STK39: variants seen among roughly 807,000 people sequenced by gnomAD.
STK39 encodes the protein serine/threonine kinase 39, also known as STE20/SPS1-related proline-alanine-rich protein kinase.
In STK39, 20 loss-of-function variants were observed where a neutral mutation model predicts 77.8. The observed-to-expected ratio is 0.26, with a 90% confidence interval of 0.18 to 0.37. STK39 has a LOEUF of 0.37. Among genes scored for constraint, STK39 ranks in the 10% least tolerant of loss-of-function variants. The pLI is 1.00. For missense variants in STK39, 479 were observed against 656.5 expected (o/e 0.73, Z 2.95); for synonymous variants, 246 against 234.1 (o/e 1.05, Z -0.47).
chr2:168,126,292 C>T (rs999009008), intron 10 of STK39, among the ~76,000 whole-genome samples: 4 of 152,188 alleles, frequency 2.6e-5, no homozygotes, highest in Admixed American at 2.6e-4. Context: ...AACTGGGAGG[C>T]GCCACAGTGA....
intron 16 of STK39, among the ~76,000 whole-genome samples, chr2:167,976,695 G>T (rs1683284971): frequency 6.6e-6 from 1 of 151,948 alleles, no homozygotes; most frequent in African/African-American, 2.4e-5. Flanking sequence ...GGACAACTTT[G>T]ACCCCCTATG....
chr2:168,058,555 C>T (rs1156433365), intron 14 of STK39, among the ~76,000 whole-genome samples: 1 of 152,234 alleles, frequency 6.6e-6, no homozygotes, highest in Non-Finnish European at 1.5e-5. Flanking sequence ...CTACCTGATA[C>T]ATCCTCACAG....
intron 1 of STK39, among the ~76,000 whole-genome samples, chr2:168,190,958 A>G (rs1574541897): frequency 1.3e-5 from 2 of 152,244 alleles, no homozygotes; most frequent in African/African-American, 4.8e-5. Context: ...TGCTATTCAC[A>G]CAGATAAACG....
At chr2:167,964,512 C>A in intron 17 of STK39, 150 bp downstream of exon 17, 1 of 686,786 alleles carries the variant, frequency 1.5e-6, no homozygotes. Context: ...CCTAACGCTG[C>A]AGAGTCAAAT....
At chr2:168,229,042 G>A (rs1248161021) in intron 1 of STK39, among the ~76,000 whole-genome samples, 1 of 152,002 alleles carries the variant, frequency 6.6e-6, no homozygotes, top group East Asian at 1.9e-4. Context: ...AATATTTTAT[G>A]ATAAGGGCTT....
chr2:168,159,131 C>T (rs776389209), intron 5 of STK39, among the ~76,000 whole-genome samples: 18 of 152,186 alleles, frequency 1.2e-4, no homozygotes, highest in Non-Finnish European at 2.2e-4. Context: ...AAAAACAGTG[C>T]ACACAATAAT....
At chr2:168,140,246 A>G in intron 7 of STK39, 43 bp downstream of exon 7, 1 of 1,473,792 alleles carries the variant, frequency 6.8e-7, no homozygotes, top group African/African-American at 1.4e-5. Flanking sequence ...GATTCCGTCC[A>G]ATCACATTTC....
chr2:168,113,611 T>C (rs769664618), intron 10 of STK39, among the ~76,000 whole-genome samples: 5 of 152,206 alleles, frequency 3.3e-5, no homozygotes, highest in African/African-American at 9.6e-5. Flanking sequence ...AGATTTTTCT[T>C]TTTGTAAAGT....
chr2:168,092,759 AT>A (rs963378477), intron 10 of STK39, among the ~76,000 whole-genome samples: 4 of 151,358 alleles, frequency 2.6e-5, no homozygotes, highest in South Asian at 2.1e-4. Flanking sequence ...GAGTACCATC[AT>A]TTTTTTTTCT....
chr2:168,094,929 T>C (rs1686622939), intron 10 of STK39, among the ~76,000 whole-genome samples: 1 of 152,192 alleles, frequency 6.6e-6, no homozygotes, highest in Non-Finnish European at 1.5e-5. Flanking sequence ...CTCCTATTCA[T>C]ACTGCCTCAA....
intron 14 of STK39, among the ~76,000 whole-genome samples, chr2:168,043,473 A>G (rs1685161353): frequency 6.6e-6 from 1 of 152,252 alleles, no homozygotes; most frequent in African/African-American, 2.4e-5. Context: ...TAGTTAAACG[A>G]TATTTCCCTA....
At chr2:168,010,986 AT>A (rs1487701452) in intron 16 of STK39, among the ~76,000 whole-genome samples, 5 of 152,312 alleles carry the variant, frequency 3.3e-5, no homozygotes, top group African/African-American at 1.2e-4. Context: ...TGAATAAGTT[AT>A]TTTTTAAATT....
In STK39 at chr2:168,092,176, T is replaced by C. The variant is rs922041122; in HGVS notation, c.1090-16945A>G. Among the ~76,000 whole-genome samples the C allele has an allele frequency of 3.9e-5, 6 of 152,236 alleles. No homozygotes were observed. In the East Asian group the frequency reaches 1.2e-3, roughly 29 times the overall value. Reference sequence around the variant, plus strand: ...CAAAAGGACAGAGTAGGAACGTCAGTGTTTTCCTATTGCTAACAGAGAACA... The same window carrying C: ...CAAAAGGACAGAGTAGGAACGTCAGCGTTTTCCTATTGCTAACAGAGAACA... On this transcript the variant is annotated intron_variant, in intron 10 of 17. Transcript: ENST00000355999.
chr2:168,038,741 A>G (rs1685022351), intron 14 of STK39, among the ~76,000 whole-genome samples: 1 of 152,184 alleles, frequency 6.6e-6, no homozygotes, highest in Non-Finnish European at 1.5e-5. Context: ...CAATCCAGTA[A>G]AATACTGAAA....
chr2:167,958,519 A>T lies in STK39; in HGVS notation c.1564-2949T>A, dbSNP rs374706126. ...GCAAGAAAACTCAAAGAGTGGCCTG[A>T]CTTCTACATTTCCTCTTTAATGTCT... On this transcript the variant is annotated intron_variant, in intron 17 of 17. Transcript: ENST00000355999. Among the ~76,000 whole-genome samples, 17 of 152,284 alleles carry T rather than the reference A, an allele frequency of 1.1e-4. 1 individual carries two copies. Among genetic ancestry groups the T allele is most frequent in the Middle Eastern group, 3.4e-3 (1 of 294 alleles).
At chr2:168,158,600 A>C (rs1431553139) in intron 5 of STK39, among the ~76,000 whole-genome samples, 1 of 152,190 alleles carries the variant, frequency 6.6e-6, no homozygotes, top group Non-Finnish European at 1.5e-5. Flanking sequence ...CTCCTCCTGG[A>C]AATCCCATAG....
chr2:168,097,600 T>C (rs998179501), intron 10 of STK39, among the ~76,000 whole-genome samples: 2 of 152,188 alleles, frequency 1.3e-5, no homozygotes, highest in African/African-American at 4.8e-5. Flanking sequence ...CCGTGCATGA[T>C]GGTGCATGCC....
intron 12 of STK39, among the ~76,000 whole-genome samples, chr2:168,072,406 T>A (rs914327336): frequency 1.3e-5 from 2 of 152,158 alleles, no homozygotes; most frequent in South Asian, 2.1e-4. Context: ...GTAAGGCCTA[T>A]CCTGACCAAC....
intron 1 of STK39, among the ~76,000 whole-genome samples, chr2:168,205,355 G>A (rs1689715400): frequency 6.6e-6 from 1 of 152,128 alleles, no homozygotes; most frequent in Admixed American, 6.5e-5. Context: ...ATACCACTAT[G>A]AGTGACTTTT....
Sources: allele counts gnomAD v4.1 joint callset (sites outside exome capture counted in the v4.1 genomes callset), GRCh38; gene constraint gnomAD v4.1.1; transcripts MANE v1.5; gene names NCBI Gene and HGNC (gene_info 2026-07-23, HGNC 2026-07-21).